The following GANAB variants were observed in gnomAD, a reference collection of about 807,000 sequenced individuals.
GANAB encodes the protein glucosidase II alpha subunit.
In GANAB, 35 loss-of-function variants were observed where a neutral mutation model predicts 129.9. The ratio of observed to expected loss-of-function variants is 0.27; its 90% CI spans 0.21 to 0.36. The LOEUF is 0.36. GANAB is among the 10% of genes least tolerant of loss of function. The pLI, the probability that GANAB is intolerant of heterozygous loss-of-function variation, is 1.00. For missense variants in GANAB, 939 were observed against 1,221.0 expected, an observed-to-expected ratio of 0.77 and a Z score of 3.44; for synonymous variants, 482 against 451.8, an observed-to-expected ratio of 1.07 and a Z score of -0.85.
In GANAB at chr11:62,632,492, C is replaced by G; in HGVS notation, c.996+73G>C. ...AAACCCAGTCCCCAAATAGCTAATG[C>G]CCCTAGTATACCTATTTGCCTCAAG... On this transcript the variant is annotated intron_variant, in intron 9 of 23. Coordinates refer to ENST00000356638, the MANE Select transcript of GANAB (RefSeq NM_198334.3). 4 of 1,163,398 alleles carry G rather than the reference C, an allele frequency of 3.4e-6. No individual in the cohort carries two copies. In the Admixed American group the frequency reaches 7.3e-5, roughly 21 times the overall value. 72.1% of individuals were successfully genotyped at this position (1,163,398 alleles called of 1,614,324 possible).
At chr11:62,629,454 C>T (rs1943557333) in intron 15 of GANAB, 134 bp downstream of exon 15, 1 of 800,410 alleles carries the variant, frequency 1.2e-6, no homozygotes, top group Non-Finnish European at 2.1e-6. Flanking sequence ...CCCTGACTTC[C>T]TTCAAAGCGC....
At chr11:62,630,560 G>A (rs1250369707) in intron 11 of GANAB, 41 bp downstream of exon 11, 26 of 1,613,178 alleles carry the variant, frequency 1.6e-5, no homozygotes, top group Non-Finnish European at 2.1e-5. Context: ...CTATGCTTCA[G>A]CCCTACCCTG....
At chr11:62,638,712 C>T (rs1486104937) in intron 4 of GANAB, among the ~76,000 whole-genome samples, 5 of 151,980 alleles carry the variant, frequency 3.3e-5, no homozygotes, top group South Asian at 2.1e-4. Context: ...TAAACAGGGC[C>T]TTGTTTATTT....
intron 5 of GANAB, chr11:62,633,964 A>G (rs1486620544): frequency 2.8e-6 from 1 of 352,942 alleles, no homozygotes; most frequent in African/African-American, 2.1e-5. Flanking sequence ...TAGGGACTTC[A>G]AGAGATTCTG....
At chr11:62,645,033 C>T (rs767451783) in intron 1 of GANAB, among the ~76,000 whole-genome samples, 53 of 151,858 alleles carry the variant, frequency 3.5e-4, no homozygotes, top group Non-Finnish European at 7.4e-5. Flanking sequence ...GAGGAATGTA[C>T]GAAACAACTG....
chr11:62,626,525 G>A lies in GANAB; in HGVS notation c.2511+46C>T, dbSNP rs764763473. The A allele has an allele frequency of 3.3e-6, 5 of 1,513,022 alleles. No individual in the cohort carries two copies. The East Asian group carries it at 1.1e-4, about 34-fold the overall frequency. The allele number at this position is 1,513,022 out of a possible 1,614,324, so 93.7% of individuals were successfully genotyped here. On this transcript the variant is annotated intron_variant, in intron 21 of 23. Transcript: ENST00000356638. ...CACAACCCCAGAGAACTGAGTCCTA[G>A]GAAGGCAGGCAAATGGCTGAGGAGA... is the stretch of plus-strand genomic sequence containing the variant.
chr11:62,630,851 G>C lies in GANAB; in HGVS notation c.1151-15C>G. On this transcript the variant is annotated splice_polypyrimidine_tract_variant and intron_variant, in intron 10 of 23. Transcript: ENST00000356638. ...CGCCTGGGTTCCTGCAGGTTCATGAGGGATGGGGGTCACAACGAGGATCAG... is the reference window on the plus strand; with the variant it reads ...CGCCTGGGTTCCTGCAGGTTCATGACGGATGGGGGTCACAACGAGGATCAG... 3 of 1,595,110 alleles carry C rather than the reference G, an allele frequency of 1.9e-6. No homozygotes were observed. Among genetic ancestry groups the C allele is most frequent in the Non-Finnish European group, 2.6e-6 (3 of 1,164,056 alleles).
At chr11:62,645,993 G>A (rs1046178967) in intron 1 of GANAB, among the ~76,000 whole-genome samples, 1 of 152,178 alleles carries the variant, frequency 6.6e-6, no homozygotes, top group Non-Finnish European at 1.5e-5. Context: ...CACCATCCAC[G>A]CCGTGAGCTT....
chr11:62,641,278 A>G (rs1944244742), intron 1 of GANAB, among the ~76,000 whole-genome samples: 1 of 144,218 alleles, frequency 6.9e-6, no homozygotes, highest in Non-Finnish European at 1.5e-5. Flanking sequence ...CGGGAGGCAG[A>G]GGTTGCAGTG....
intron 1 of GANAB, among the ~76,000 whole-genome samples, chr11:62,644,615 G>A (rs1473222977): frequency 1.3e-5 from 2 of 152,070 alleles, no homozygotes; most frequent in African/African-American, 2.4e-5. Context: ...ACAAGACTCT[G>A]TCTCAAAAAA....
At position 62,630,459 on chromosome 11, in the gene GANAB, C is replaced by A; in HGVS notation, c.1433G>T (p.Arg478Leu). Residue 478 changes from arginine to leucine, a missense_variant, in exon 12 of 24, where the codon CGA becomes CTA. By Grantham distance (102) the Arg-to-Leu change is moderately radical. Around this residue, in one of 5 missense-constraint regions of GANAB, gnomAD observed 220 missense variants for 295.9 expected, o/e 0.74. Transcript: ENST00000356638. The part of the protein sequence containing the change: ...DPHIKVDSGY[R>L]VHEELRNLGL... ...CAGGTTCCGCAGCTCCTCGTGAACT[C>A]GGTAGCCGGAGTCCACCTTGATGTG... 6.2e-7 allele frequency: 1 copy of A among 1,614,154 alleles called. No homozygotes were observed.
At chr11:62,631,710 C>T (rs914599522) in intron 9 of GANAB, among the ~76,000 whole-genome samples, 1 of 152,014 alleles carries the variant, frequency 6.6e-6, no homozygotes, top group Non-Finnish European at 1.5e-5. Flanking sequence ...ATCTGTCCAC[C>T]TCGCCCTCCC....
Position 62,628,810 on chromosome 11 carries a change from G to A in GANAB, c.2139C>T (p.Thr713=), listed in dbSNP as rs1943525055. 2 of 1,613,864 alleles carry A rather than the reference G, an allele frequency of 1.2e-6. No homozygotes were observed. Among genetic ancestry groups the A allele is most frequent in the Admixed American group, 1.7e-5 (1 of 59,986 alleles). ...CTTCCCGATGGGCCTGATATAAGAGGGTGTACCAGAAGGGCAGCAAAGAAT... is the reference window on the plus strand; with the variant it reads ...CTTCCCGATGGGCCTGATATAAGAGAGTGTACCAGAAGGGCAGCAAAGAAT... ...QRYSLLPFWY[T]LLYQAHREGI... Residue 713 remains threonine (T), a synonymous_variant, in exon 17 of 24, where the codon ACC becomes ACT. Coordinates refer to ENST00000356638, the MANE Select transcript of GANAB (RefSeq NM_198334.3).
Position 62,630,963 on chromosome 11 carries a change from C to A in GANAB, c.1150+67G>T, listed in dbSNP as rs916068331. On this transcript the variant is annotated intron_variant, in intron 10 of 23. Transcript: ENST00000356638. ...TAGAAAACAAGCTGGGGCACAGGAT[C>A]TCTGAAAACACATAGAATCACCCGA... 2.1e-5 allele frequency: 33 copies of A among 1,541,172 alleles called. No homozygotes were observed. The African/African-American group carries it at 4.4e-4, about 20-fold the overall frequency.
In GANAB at chr11:62,628,793, T is replaced by C. The variant is rs765642338; in HGVS notation, c.2156A>G (p.His719Arg). ...PFWYTLLYQA[H>R]REGIPVMRPL... Reference sequence around the variant, plus strand: ...CCTCATGACAGGAATGCCTTCCCGATGGGCCTGATATAAGAGGGTGTACCA... The same window carrying C: ...CCTCATGACAGGAATGCCTTCCCGACGGGCCTGATATAAGAGGGTGTACCA... Residue 719 changes from histidine (H) to arginine (R), a missense_variant, in exon 17 of 24, where the codon CAT (histidine) becomes CGT (arginine). Transcript: ENST00000356638. 5 of 1,613,886 alleles carry C rather than the reference T, an allele frequency of 3.1e-6. No homozygotes were observed. The highest frequency in any genetic ancestry group is 2.7e-5 in the African/African-American group (2 of 74,904).
chr11:62,628,205 C>CT (rs58757640), intron 17 of GANAB, among the ~76,000 whole-genome samples: 32,487 of 98,558 alleles, frequency 0.33, 6,854 homozygotes, highest in Non-Finnish European at 0.35. Context: ...CTTCTCAAAA[C>CT]TTTTTTTTTT....
At chr11:62,630,156 G>A (rs1437877041) in intron 13 of GANAB, 41 bp downstream of exon 13, 2 of 1,474,810 alleles carry the variant, frequency 1.4e-6, no homozygotes, top group African/African-American at 1.4e-5. Context: ...GGAGGCAGGT[G>A]GAACAGACAG....
At chr11:62,628,748 C>T in intron 17 of GANAB, 21 bp downstream of exon 17, 5 of 1,609,030 alleles carry the variant, frequency 3.1e-6, no homozygotes, top group Non-Finnish European at 3.4e-6. Context: ...CCACTCTTCA[C>T]AGCCCAAGTG....
chr11:62,641,896 T>C lies in GANAB; in HGVS notation c.39-2165A>G, dbSNP rs1485319051. Among the ~76,000 whole-genome samples the C allele has an allele frequency of 7.3e-5, 11 of 151,468 alleles. No individual in the cohort carries two copies. The South Asian group carries it at 2.1e-3, about 29-fold the overall frequency. Reference sequence around the variant, plus strand: ...CACCCAGCTAATTTTTAAAAAGTTGTGGTTTTTGTTTTTTTTCTGGCCAGG... The same window carrying C: ...CACCCAGCTAATTTTTAAAAAGTTGCGGTTTTTGTTTTTTTTCTGGCCAGG... On this transcript the variant is annotated intron_variant, in intron 1 of 23. Coordinates refer to ENST00000356638, the MANE Select transcript of GANAB (RefSeq NM_198334.3).
Sources: gnomAD v4.1 joint callset for allele counts (sites outside exome capture counted in the v4.1 genomes callset) on GRCh38, gnomAD v4.1.1 for gene constraint, gnomAD v4.1.1 regional missense constraint, MANE v1.5 for transcripts, NCBI Gene and HGNC (gene_info 2026-07-23, HGNC 2026-07-21) for gene names.